STARD3: variants seen among roughly 807,000 people sequenced by gnomAD.
STARD3 encodes the protein StAR related lipid transfer domain containing 3.
In STARD3, 39 loss-of-function variants were observed where a neutral mutation model predicts 62.0. The observed-to-expected ratio is 0.63, with a 90% confidence interval of 0.49 to 0.82. STARD3 has a LOEUF of 0.82. STARD3 is among the 40% of genes least tolerant of loss of function. STARD3 has a pLI of 0.00. For missense variants in STARD3, 543 were observed against 584.5 expected, an observed-to-expected ratio of 0.93 and a Z score of 0.73; for synonymous variants, 229 against 242.4, an observed-to-expected ratio of 0.94 and a Z score of 0.51.
intron 5 of STARD3, 172 bp downstream of exon 5, chr17:39,658,198 C>T: frequency 2.3e-6 from 2 of 876,880 alleles, no homozygotes; most frequent in Non-Finnish European, 3.6e-6. Flanking sequence ...GCTTCCCTGA[C>T]TTAGCCCCTT....
intron 1 of STARD3, among the ~76,000 whole-genome samples, chr17:39,646,807 G>T (rs374162011): frequency 2.0e-5 from 3 of 152,172 alleles, no homozygotes; most frequent in Non-Finnish European, 2.9e-5. Context: ...GTGTGGGGGC[G>T]TGTGCCCACC....
At chr17:39,662,686 C>A in intron 14 of STARD3, 118 bp from the exon 15 acceptor site, 2 of 1,001,396 alleles carry the variant, frequency 2.0e-6, no homozygotes, top group Non-Finnish European at 1.5e-6. Context: ...GCGACCCAGG[C>A]TGGATTCCAG....
chr17:39,654,166 G>A (rs1309329551), intron 2 of STARD3, among the ~76,000 whole-genome samples: 1 of 118,310 alleles, frequency 8.5e-6, no homozygotes, highest in Non-Finnish European at 2.1e-5. Flanking sequence ...TCGTTTGTTC[G>A]ATCATTCATT....
intron 13 of STARD3, 133 bp downstream of exon 13, chr17:39,661,218 T>C (rs983125058): frequency 4.0e-6 from 3 of 756,982 alleles, no homozygotes; most frequent in Non-Finnish European, 6.5e-6. Context: ...CCCGCTGGGC[T>C]CTGCTCCTCC....
chr17:39,658,985 A>C (rs988757331), intron 7 of STARD3, 66 bp from the exon 8 acceptor site: 2 of 1,603,518 alleles, frequency 1.2e-6, no homozygotes, highest in Non-Finnish European at 1.7e-6. Context: ...ACATACCCGA[A>C]CCCCACTACC....
chr17:39,647,130 C>T (rs1316939031), intron 1 of STARD3, among the ~76,000 whole-genome samples: 4 of 151,442 alleles, frequency 2.6e-5, no homozygotes, highest in Admixed American at 6.6e-5. Context: ...ACCTGGGAGG[C>T]GGAGGTTGCA....
intron 7 of STARD3, 101 bp downstream of exon 7, chr17:39,658,921 G>A (rs1054667221): frequency 6.4e-7 from 1 of 1,563,242 alleles, no homozygotes; most frequent in Non-Finnish European, 8.8e-7. Context: ...AGGCTCCCTG[G>A]GGAAAGCCAG....
intron 1 of STARD3, chr17:39,653,235 G>T (rs1158982130): frequency 1.4e-5 from 7 of 502,578 alleles, no homozygotes; most frequent in Non-Finnish European, 2.5e-5. Context: ...CCCTCCAGGG[G>T]TGAACCCTGT....
At chr17:39,639,333 G>A (rs1344532544) in intron 1 of STARD3, among the ~76,000 whole-genome samples, 1 of 152,174 alleles carries the variant, frequency 6.6e-6, no homozygotes, top group African/African-American at 2.4e-5. Context: ...CTCAGACCTG[G>A]TCTGCTCAGG....
chr17:39,644,672 C>CAAAA (rs3029516), intron 1 of STARD3, among the ~76,000 whole-genome samples: 1,278 of 111,974 alleles, frequency 0.011, 31 homozygotes, highest in African/African-American at 0.046. Flanking sequence ...CCTGTCTCTA[C>CAAAA]AAAAAAAAAA....
rs1003919019 is a variant in STARD3, at chr17:39,637,191, T to A, written c.-92T>A. The A allele has an allele frequency of 6.6e-6, 1 of 152,264 alleles. No homozygotes were observed. 9.4% of individuals were successfully genotyped at this position (152,264 alleles called of 1,614,324 possible). A position where few individuals can be genotyped will look rare whatever the true frequency, so the allele number is the denominator to read the frequency against. Reference sequence around the variant, plus strand: ...CTGAGGCCGCGGAGCCGGACTGCGGTTGGGGCGGGAAGAGCCGGGGCCGTG... The same window carrying A: ...CTGAGGCCGCGGAGCCGGACTGCGGATGGGGCGGGAAGAGCCGGGGCCGTG... On this transcript the variant is annotated 5_prime_UTR_variant, in exon 1 of 15. It adds an upstream start codon to the 5' untranslated region. Coordinates refer to ENST00000336308, the MANE Select transcript of STARD3 (RefSeq NM_006804.4).
At position 39,637,223 on chromosome 17, in the gene STARD3, A is replaced by G. The variant is rs1383628627; in HGVS notation, c.-60A>G. On this transcript the variant is annotated 5_prime_UTR_variant, in exon 1 of 15. An upstream start codon of the reference 5' UTR is lost. Coordinates refer to ENST00000336308, the MANE Select transcript of STARD3 (RefSeq NM_006804.4). ...GGGAAGAGCCGGGGCCGTGGCTGAC[A>G]TGGAGCAGGTGGGTCCCGGAGCGGT... The G allele has an allele frequency of 1.1e-4, 17 of 152,252 alleles. No individual in the cohort carries two copies. Among genetic ancestry groups the G allele is most frequent in the Admixed American group, 1.1e-3 (17 of 15,286 alleles). 9.4% of individuals were successfully genotyped at this position (152,252 alleles called of 1,614,324 possible).
chr17:39,653,550 G>T lies in STARD3; in HGVS notation c.19G>T (p.Glu7Ter). 2.5e-6 allele frequency: 4 copies of T among 1,605,020 alleles called. No homozygotes were observed. Among genetic ancestry groups the T allele is most frequent in the Non-Finnish European group, 3.4e-6 (4 of 1,179,914 alleles). Residue 7 changes from glutamate (E) to a stop codon, truncating the protein, a stop_gained, in exon 2 of 15, where the codon GAG (glutamate) becomes TAG (stop). Coordinates refer to ENST00000336308, the MANE Select transcript of STARD3 (RefSeq NM_006804.4). LOFTEE classifies it high-confidence loss of function. ...CACCAGGATGAGCAAGCTGCCCAGGGAGCTGACCCGAGACTTGGAGCGCAG... is the reference window on the plus strand; with the variant it reads ...CACCAGGATGAGCAAGCTGCCCAGGTAGCTGACCCGAGACTTGGAGCGCAG... MSKLPR[E>*]LTRDLERSLP...
intron 5 of STARD3, 168 bp downstream of exon 5, chr17:39,658,194 C>T (rs1029026298): frequency 1.2e-5 from 11 of 894,244 alleles, no homozygotes; most frequent in Non-Finnish European, 1.8e-5. Context: ...ACCCGCTTCC[C>T]TGACTTAGCC....
chr17:39,644,311 A>G lies in STARD3; in HGVS notation c.-52+7080A>G, dbSNP rs553807222. On this transcript the variant is annotated intron_variant, in intron 1 of 14. Transcript: ENST00000336308. ...AAAGTTTGGCCCAGCCCTCCCTGGGAGGCTAGGAGGTGGGGAAGAGCCAGG... is the reference window on the plus strand; with the variant it reads ...AAAGTTTGGCCCAGCCCTCCCTGGGGGGCTAGGAGGTGGGGAAGAGCCAGG... Among the ~76,000 whole-genome samples the G allele has an allele frequency of 5.9e-5, 9 of 152,228 alleles. No individual in the cohort carries two copies. The South Asian group carries it at 1.9e-3, about 32-fold the overall frequency.
Position 39,645,881 on chromosome 17 carries a change from C to CTTTTTTTTT in STARD3, c.-51-7580_-51-7572dup, listed in dbSNP as rs71147368. 4.5e-4 allele frequency among the ~76,000 whole-genome samples: 25 copies of CTTTTTTTTT among 55,666 alleles called. 3 individuals carry two copies. Among genetic ancestry groups the CTTTTTTTTT allele is most frequent in the African/African-American group, 1.9e-3 (21 of 11,220 alleles). 36.5% of individuals were successfully genotyped at this position (55,666 alleles called of 152,430 possible). On this transcript the variant is annotated intron_variant, in intron 1 of 14. Transcript: ENST00000336308. ...ATCCCTGTGACATAGGGATTCTTGC[C>CTTTTTTTTT]TTTTTTTTTTTTTTTTTTTTTTTTT...
chr17:39,658,701 G>T, intron 6 of STARD3, 21 bp from the exon 7 acceptor site: 1 of 1,613,834 alleles, frequency 6.2e-7, no homozygotes, highest in South Asian at 1.1e-5. Context: ...CCTCGGTCCG[G>T]GACCGAGTCT....
chr17:39,655,770 C>T (rs2057121479), intron 2 of STARD3, among the ~76,000 whole-genome samples: 1 of 151,984 alleles, frequency 6.6e-6, no homozygotes, highest in Admixed American at 6.6e-5. Context: ...CTGTGTTGCC[C>T]AGTGGTTACA....
chr17:39,657,539 A>C (rs1226109877), intron 3 of STARD3, among the ~76,000 whole-genome samples: 1 of 152,020 alleles, frequency 6.6e-6, no homozygotes, highest in Non-Finnish European at 1.5e-5. Context: ...AAAAAAAAAA[A>C]AACCTTTCCT....
Sources: allele counts gnomAD v4.1 joint callset (sites outside exome capture counted in the v4.1 genomes callset), GRCh38; gene constraint gnomAD v4.1.1; transcripts MANE v1.5; gene names NCBI Gene and HGNC (gene_info 2026-07-23, HGNC 2026-07-21).